NELL1: variants seen among roughly 807,000 people sequenced by gnomAD.
NELL1 encodes the protein neural EGFL like 1, also known as protein kinase C-binding protein NELL1.
A neutral mutation model predicts 107.4 loss-of-function variants in NELL1; 76 were observed. That is an observed-to-expected ratio of 0.71 (90% CI 0.59 to 0.86). The LOEUF (loss-of-function observed/expected upper bound fraction) is 0.86. NELL1 is among the 40% of genes least tolerant of loss of function. NELL1 has a pLI of 0.00. For synonymous variants in NELL1, 353 were observed against 341.2 expected, an observed-to-expected ratio of 1.03 and a Z score of -0.38; for missense variants, 1,024 against 1,005.5, an observed-to-expected ratio of 1.02 and a Z score of -0.25.
chr11:20,759,135 C>T (rs1446767902), intron 2 of NELL1, among the ~76,000 whole-genome samples: 2 of 152,196 alleles, frequency 1.3e-5, no homozygotes, highest in African/African-American at 4.8e-5. Flanking sequence ...ACTCTGTCTT[C>T]CTCTACTTTC....
chr11:21,495,533 A>G (rs112519647), intron 15 of NELL1, among the ~76,000 whole-genome samples: 7 of 152,262 alleles, frequency 4.6e-5, no homozygotes, highest in African/African-American at 1.7e-4. Context: ...TAGGAGTGGG[A>G]TTGATGGATC....
At chr11:20,804,527 T>C (rs1166975518) in intron 3 of NELL1, among the ~76,000 whole-genome samples, 2 of 152,220 alleles carry the variant, frequency 1.3e-5, no homozygotes, top group African/African-American at 4.8e-5. Context: ...ATTTTATTCT[T>C]AATCTGTTGA....
chr11:21,055,178 T>A (rs1015021944), intron 12 of NELL1, among the ~76,000 whole-genome samples: 1 of 152,096 alleles, frequency 6.6e-6, no homozygotes, highest in Admixed American at 6.6e-5. Context: ...ATGGAAAAAA[T>A]TATGTATACC....
At chr11:21,090,156 A>G (rs1227201255) in intron 12 of NELL1, among the ~76,000 whole-genome samples, 1 of 152,204 alleles carries the variant, frequency 6.6e-6, no homozygotes, top group East Asian at 1.9e-4. Context: ...TACAAAGAAG[A>G]GGAATGGTCA....
At chr11:21,543,181 A>G (rs546354597) in intron 16 of NELL1, among the ~76,000 whole-genome samples, 115 of 152,202 alleles carry the variant, frequency 7.6e-4, no homozygotes, top group African/African-American at 2.6e-3. Flanking sequence ...TTTTGGTTAA[A>G]TAGCATGCCA....
chr11:21,529,020 A>T (rs1855930612), intron 15 of NELL1, among the ~76,000 whole-genome samples: 1 of 152,076 alleles, frequency 6.6e-6, no homozygotes, highest in Non-Finnish European at 1.5e-5. Context: ...CATAATAATT[A>T]GGAAATGCTG....
chr11:21,498,230 C>T (rs955730702), intron 15 of NELL1, among the ~76,000 whole-genome samples: 1 of 150,850 alleles, frequency 6.6e-6, no homozygotes, highest in Non-Finnish European at 1.5e-5. Flanking sequence ...TCTATTCCTT[C>T]TACATTTTCC....
At chr11:21,308,256 T>C (rs1271632586) in intron 14 of NELL1, among the ~76,000 whole-genome samples, 1 of 152,036 alleles carries the variant, frequency 6.6e-6, no homozygotes, top group African/African-American at 2.4e-5. Flanking sequence ...GATAACCATG[T>C]TGCTAAATGT....
At chr11:21,210,506 C>T (rs533817334) in intron 13 of NELL1, among the ~76,000 whole-genome samples, 132 of 152,044 alleles carry the variant, frequency 8.7e-4, no homozygotes, top group Non-Finnish European at 1.5e-3. Flanking sequence ...TTTCATGTGC[C>T]TCTTAGCCAT....
chr11:21,502,063 C>A (rs1855157797), intron 15 of NELL1, among the ~76,000 whole-genome samples: 1 of 152,110 alleles, frequency 6.6e-6, no homozygotes, highest in Admixed American at 6.6e-5. Context: ...GAAGGCAAAT[C>A]CTAGTGACCT....
intron 4 of NELL1, among the ~76,000 whole-genome samples, chr11:20,878,586 A>G (rs778245065): frequency 2.6e-5 from 4 of 152,094 alleles, no homozygotes; most frequent in Non-Finnish European, 2.9e-5. Flanking sequence ...AAAGGTATTG[A>G]TGGTGGAGGA....
intron 7 of NELL1, among the ~76,000 whole-genome samples, chr11:20,919,869 TC>T (rs1034959615): frequency 9.2e-5 from 14 of 152,094 alleles, no homozygotes; most frequent in African/African-American, 3.4e-4. Context: ...GTTTTATAAT[TC>T]CGCACCTTTT....
chr11:21,225,892 T>A (rs1437687420), intron 13 of NELL1, among the ~76,000 whole-genome samples: 1 of 152,188 alleles, frequency 6.6e-6, no homozygotes, highest in Non-Finnish European at 1.5e-5. Context: ...ATAGGTTCTA[T>A]CATTGTCCAC....
At chr11:20,931,425 G>A (rs918777760) in intron 9 of NELL1, among the ~76,000 whole-genome samples, 4 of 152,196 alleles carry the variant, frequency 2.6e-5, no homozygotes, top group Admixed American at 2.6e-4. Context: ...ACATGGTAGA[G>A]TATATTTACT....
chr11:21,551,016 T>C (rs930789052), intron 16 of NELL1, among the ~76,000 whole-genome samples: 2 of 151,094 alleles, frequency 1.3e-5, no homozygotes, highest in Non-Finnish European at 3.0e-5. Context: ...TTTTATTTCA[T>C]GGAGCAGTGG....
intron 13 of NELL1, among the ~76,000 whole-genome samples, chr11:21,224,133 C>T (rs1184487338): frequency 1.3e-5 from 2 of 152,134 alleles, no homozygotes; most frequent in African/African-American, 2.4e-5. Flanking sequence ...TATAATGTGC[C>T]TTGGCAAGGA....
At chr11:21,506,127 T>C (rs1453709567) in intron 15 of NELL1, among the ~76,000 whole-genome samples, 1 of 152,230 alleles carries the variant, frequency 6.6e-6, no homozygotes, top group East Asian at 1.9e-4. Flanking sequence ...CTTAAAATAA[T>C]GATATTGTTA....
At chr11:20,893,394 A>T (rs1372730664) in intron 5 of NELL1, among the ~76,000 whole-genome samples, 1 of 151,602 alleles carries the variant, frequency 6.6e-6, no homozygotes, top group African/African-American at 2.4e-5. Context: ...AAATAAAAAA[A>T]TAATTAAAAT....
chr11:20,703,762 C>T (rs116159880), intron 2 of NELL1, among the ~76,000 whole-genome samples: 2 of 152,284 alleles, frequency 1.3e-5, no homozygotes, highest in South Asian at 2.1e-4. Flanking sequence ...TCCTTATGTA[C>T]CCGAAAGTCA....
Sources: gnomAD v4.1 joint callset for allele counts (sites outside exome capture counted in the v4.1 genomes callset) on GRCh38, gnomAD v4.1.1 for gene constraint, MANE v1.5 for transcripts, NCBI Gene and HGNC (gene_info 2026-07-23, HGNC 2026-07-21) for gene names.